The following FOXN3 variants were observed in gnomAD, a reference collection of about 807,000 sequenced individuals.
FOXN3 encodes the protein forkhead box protein N3.
FOXN3 carries 7 observed loss-of-function variants against 38.4 expected under a neutral mutation model. The ratio of observed to expected loss-of-function variants is 0.18; its 90% CI spans 0.10 to 0.34. FOXN3 has a LOEUF of 0.34. Among genes scored for constraint, FOXN3 ranks in the 10% least tolerant of loss-of-function variants. FOXN3 has a pLI of 1.00. For synonymous variants in FOXN3, 230 were observed against 242.2 expected, an observed-to-expected ratio of 0.95 and a Z score of 0.47; for missense variants, 456 against 613.4, an observed-to-expected ratio of 0.74 and a Z score of 2.71.
rs528673571 is a variant in FOXN3, at chr14:89,570,309, G to T, written c.-15+48719C>A. Among the ~76,000 whole-genome samples the T allele has an allele frequency of 9.9e-5, 15 of 152,016 alleles. No homozygotes were observed. In the East Asian group the frequency reaches 2.5e-3, roughly 26 times the overall value. On this transcript the variant is annotated intron_variant, in intron 1 of 6. Transcript: ENST00000345097. ...CCACCGCATCCAGCCGGTACACTTG[G>T]TAATTTTTAAGGCACAGTAATCTTG... is the stretch of plus-strand genomic sequence containing the variant.
At chr14:89,221,820 T>C (rs986614625) in intron 4 of FOXN3, among the ~76,000 whole-genome samples, 2 of 151,872 alleles carry the variant, frequency 1.3e-5, no homozygotes, top group Admixed American at 1.3e-4. Flanking sequence ...TCCCTGTCTA[T>C]ATAATCTTTT....
intron 2 of FOXN3, among the ~76,000 whole-genome samples, chr14:89,368,492 A>G (rs1306126002): frequency 1.3e-5 from 2 of 152,038 alleles, no homozygotes; most frequent in Non-Finnish European, 2.9e-5. Flanking sequence ...AAAATGCGAA[A>G]AAATTAGCCA....
At chr14:89,213,277 C>G (rs1884158326) in intron 4 of FOXN3, among the ~76,000 whole-genome samples, 1 of 152,234 alleles carries the variant, frequency 6.6e-6, no homozygotes. Context: ...ACCTTCGTAA[C>G]TACATTAAAT....
intron 1 of FOXN3, among the ~76,000 whole-genome samples, chr14:89,441,610 C>G (rs1021654084): frequency 2.0e-5 from 3 of 152,184 alleles, no homozygotes; most frequent in East Asian, 3.8e-4. Context: ...ATCATCCTTC[C>G]GCAGGGTTGG....
chr14:89,524,726 A>G (rs1385783117), intron 1 of FOXN3, among the ~76,000 whole-genome samples: 6 of 152,152 alleles, frequency 3.9e-5, no homozygotes, highest in Admixed American at 3.3e-4. Flanking sequence ...TCCCTAAAAG[A>G]TACAAACAAA....
chr14:89,232,322 T>C (rs750336202), intron 4 of FOXN3, among the ~76,000 whole-genome samples: 37 of 152,216 alleles, frequency 2.4e-4, no homozygotes, highest in Non-Finnish European at 4.3e-4. Flanking sequence ...ACATAGTTCA[T>C]TCTGCAGATA....
At chr14:89,371,452 T>G (rs1447151750) in intron 2 of FOXN3, among the ~76,000 whole-genome samples, 1 of 152,050 alleles carries the variant, frequency 6.6e-6, no homozygotes, top group Non-Finnish European at 1.5e-5. Context: ...ATGACCCACT[T>G]GGCCACCAGA....
intron 2 of FOXN3, among the ~76,000 whole-genome samples, chr14:89,386,496 GCAAGTAACTTAA>G (rs1483256361): frequency 6.6e-6 from 1 of 152,234 alleles, no homozygotes; most frequent in Non-Finnish European, 1.5e-5. Flanking sequence ...GGGGAACTTA[GCAAGTAACTTAA>G]CCAACTTCTA....
At chr14:89,332,058 T>C (rs1888262569) in intron 3 of FOXN3, among the ~76,000 whole-genome samples, 1 of 152,222 alleles carries the variant, frequency 6.6e-6, no homozygotes, top group African/African-American at 2.4e-5. Context: ...CAACTTCATG[T>C]ATACTCAAAA....
At chr14:89,508,191 A>G (rs960615698) in intron 1 of FOXN3, among the ~76,000 whole-genome samples, 1 of 152,184 alleles carries the variant, frequency 6.6e-6, no homozygotes, top group African/African-American at 2.4e-5. Flanking sequence ...ATCTGGAACC[A>G]CTGGGTGCAT....
intron 4 of FOXN3, among the ~76,000 whole-genome samples, chr14:89,198,033 C>T (rs1888142301): frequency 1.3e-5 from 2 of 152,208 alleles, no homozygotes; most frequent in South Asian, 4.1e-4. Flanking sequence ...GTCAGCCCTC[C>T]ATACCCATGG....
intron 2 of FOXN3, among the ~76,000 whole-genome samples, chr14:89,403,355 G>A (rs926499859): frequency 3.9e-5 from 6 of 152,100 alleles, no homozygotes; most frequent in Non-Finnish European, 5.9e-5. Context: ...ATGCCACCAT[G>A]CCCAATTAAT....
In FOXN3 at chr14:89,489,529, A is replaced by T. The variant is rs552010418; in HGVS notation, c.-14-77039T>A. 4.2e-3 allele frequency among the ~76,000 whole-genome samples: 639 copies of T among 152,270 alleles called. 5 individuals are homozygous for T. Among genetic ancestry groups the T allele is most frequent in the African/African-American group, 0.014 (598 of 41,556 alleles). ...TAAATCTTTTACTTGTAATTAAAAA[A>T]TTTTTTTATATTCCTCTAACCACAA... On this transcript the variant is annotated intron_variant, in intron 1 of 6. Transcript: ENST00000345097.
intron 1 of FOXN3, among the ~76,000 whole-genome samples, chr14:89,515,717 C>T (rs1664707438): frequency 6.6e-6 from 1 of 152,162 alleles, no homozygotes; most frequent in African/African-American, 2.4e-5. Flanking sequence ...GCCTGGAAGA[C>T]AGAGGGAGAC....
intron 1 of FOXN3, among the ~76,000 whole-genome samples, chr14:89,572,241 C>T (rs1178911458): frequency 6.6e-6 from 1 of 152,132 alleles, no homozygotes; most frequent in African/African-American, 2.4e-5. Context: ...TAAATCAAGT[C>T]AAAGGTTAAA....
At chr14:89,165,541 G>C (rs776122014) in intron 5 of FOXN3, among the ~76,000 whole-genome samples, 1 of 152,182 alleles carries the variant, frequency 6.6e-6, no homozygotes, top group Non-Finnish European at 1.5e-5. Flanking sequence ...TCCAGGGCTT[G>C]CCTGTGAACA....
intron 3 of FOXN3, among the ~76,000 whole-genome samples, chr14:89,314,549 T>C (rs1887666329): frequency 6.6e-6 from 1 of 152,210 alleles, no homozygotes; most frequent in Admixed American, 6.5e-5. Flanking sequence ...CAACTAAAGA[T>C]ACTTTTAGAA....
intron 1 of FOXN3, among the ~76,000 whole-genome samples, chr14:89,476,187 G>A (rs1239181121): frequency 6.6e-6 from 1 of 152,130 alleles, no homozygotes; most frequent in Non-Finnish European, 1.5e-5. Context: ...CTAGTGTTAG[G>A]TAAAAGTCCA....
rs534308639 is a variant in FOXN3, at chr14:89,167,547, T to G, written c.852-4578A>C. On this transcript the variant is annotated intron_variant, in intron 5 of 5. Coordinates refer to ENST00000557258, the MANE Select transcript of FOXN3 (RefSeq NM_005197.4). Reference sequence around the variant, plus strand: ...CAGGGGACTGGAGCAAGTTCAAAGCTTCTTTTGAAAATCAACTGCAAGTAG... The same window carrying G: ...CAGGGGACTGGAGCAAGTTCAAAGCGTCTTTTGAAAATCAACTGCAAGTAG... Among the ~76,000 whole-genome samples the G allele has an allele frequency of 5.9e-5, 9 of 152,344 alleles. No homozygotes were observed. The East Asian group carries it at 1.7e-3, about 29-fold the overall frequency.
Sources: allele counts gnomAD v4.1 joint callset (sites outside exome capture counted in the v4.1 genomes callset), GRCh38; gene constraint gnomAD v4.1.1; transcripts MANE v1.5; gene names NCBI Gene and HGNC (gene_info 2026-07-23, HGNC 2026-07-21).